COPG2: variants seen among roughly 807,000 people sequenced by gnomAD.
COPG2 encodes coatomer subunit gamma-2.
In COPG2, 37 loss-of-function variants were observed where a neutral mutation model predicts 46.3. That is an observed-to-expected ratio of 0.80 (90% CI 0.61 to 1.05). COPG2 has a LOEUF of 1.05. Among genes scored for constraint, COPG2 ranks in the 50% least tolerant of loss-of-function variants. The probability of loss-of-function intolerance (pLI) is 0.00; values close to 1 mark genes in which losing one functional copy is unlikely to be tolerated. For missense variants in COPG2, 427 were observed against 387.8 expected, an observed-to-expected ratio of 1.10 and a Z score of -0.85; for synonymous variants, 159 against 129.7, an observed-to-expected ratio of 1.23 and a Z score of -1.53.
chr7:130,640,951 GAATT>G (rs1208122668), intron 5 of COPG2, among the ~76,000 whole-genome samples: 4 of 151,928 alleles, frequency 2.6e-5, no homozygotes, highest in African/African-American at 2.4e-5. Flanking sequence ...TTCTCTCAAA[GAATT>G]AATAATTCAG....
At chr7:130,645,077 A>C (rs1554457954) in intron 5 of COPG2, 1 of 374,298 alleles carries the variant, frequency 2.7e-6, no homozygotes, top group Non-Finnish European at 5.1e-6. Flanking sequence ...ACAAAAAAAA[A>C]AAAAAAAAGA....
chr7:130,508,731 C>A (rs59497416), intron 20 of COPG2, 72 bp from the exon 21 acceptor site: 2,335 of 155,118 alleles, frequency 0.015, 44 homozygotes, highest in African/African-American at 0.099. Context: ...TCCATCTGTA[C>A]TCAGCACTGT....
At chr7:130,527,439 G>A (rs1282512640) in intron 20 of COPG2, among the ~76,000 whole-genome samples, 1 of 128,656 alleles carries the variant, frequency 7.8e-6, no homozygotes, top group South Asian at 2.8e-4. Context: ...GCTGTCCACA[G>A]CAGTGATTCT....
chr7:130,657,257 G>A (rs1554460023), intron 4 of COPG2, among the ~76,000 whole-genome samples: 1 of 151,818 alleles, frequency 6.6e-6, no homozygotes, highest in Admixed American at 6.6e-5. Flanking sequence ...CCTTCCATAT[G>A]GATATTCAAT....
At chr7:130,665,329 T>C (rs1275795445) in intron 3 of COPG2, among the ~76,000 whole-genome samples, 1 of 152,230 alleles carries the variant, frequency 6.6e-6, no homozygotes, top group East Asian at 1.9e-4. Context: ...ATGGTTATCT[T>C]AGCACCATAT....
chr7:130,506,668 G>C lies in COPG2; in HGVS notation c.*8C>G. ...GTGTGCATCAGTTTCCTCTTGTCCA[G>C]TAAGCATTTATCCAACAGAAGCTAA... On this transcript the variant is annotated 3_prime_UTR_variant, in exon 24 of 24. Coordinates refer to ENST00000425248, the MANE Select transcript of COPG2 (RefSeq NM_012133.6). The C allele has an allele frequency of 1.3e-6, 1 of 778,490 alleles. No individual in the cohort carries two copies. The highest frequency in any genetic ancestry group is 2.4e-6 in the Non-Finnish European group (1 of 416,720). The allele number at this position is 778,490 out of a possible 1,614,324, so 48.2% of individuals were successfully genotyped here. A position where few individuals can be genotyped will look rare whatever the true frequency, so the allele number is the denominator to read the frequency against.
At chr7:130,512,710 A>C (rs1554441186) in intron 20 of COPG2, among the ~76,000 whole-genome samples, 1 of 152,044 alleles carries the variant, frequency 6.6e-6, no homozygotes, top group East Asian at 1.9e-4. Flanking sequence ...ACGCCACTGC[A>C]CTCTAACCTG....
intron 20 of COPG2, among the ~76,000 whole-genome samples, chr7:130,513,307 AAATATAT>A (rs1173115494): frequency 1.0e-4 from 5 of 47,696 alleles, no homozygotes; most frequent in African/African-American, 3.8e-4. Flanking sequence ...AAAAAAAAAA[AAATATAT>A]ATATATATAT....
chr7:130,631,805 A>G (rs1198855042), intron 5 of COPG2, among the ~76,000 whole-genome samples: 1 of 152,202 alleles, frequency 6.6e-6, no homozygotes, highest in Non-Finnish European at 1.5e-5. Flanking sequence ...TTTCTTGTTT[A>G]TCTACTCAGT....
At chr7:130,641,220 T>C in intron 5 of COPG2, among the ~76,000 whole-genome samples, 1 of 144,546 alleles carries the variant, frequency 6.9e-6, no homozygotes, top group Admixed American at 6.9e-5. Flanking sequence ...AGACAATGAC[T>C]AATCTGTCAA....
At chr7:130,664,981 G>C (rs1554461206) in intron 3 of COPG2, among the ~76,000 whole-genome samples, 2 of 152,172 alleles carry the variant, frequency 1.3e-5, no homozygotes, top group Admixed American at 1.3e-4. Context: ...AGGAGTTTGA[G>C]ACCCACCTGG....
intron 7 of COPG2, among the ~76,000 whole-genome samples, chr7:130,612,964 CCT>C (rs1407283340): frequency 2.0e-5 from 3 of 152,166 alleles, no homozygotes; most frequent in Admixed American, 2.0e-4. Flanking sequence ...CACACTTACC[CCT>C]CTTTTATTAT....
intron 5 of COPG2, among the ~76,000 whole-genome samples, chr7:130,640,409 GT>G (rs1311834908): frequency 6.6e-6 from 1 of 151,140 alleles, no homozygotes; most frequent in Non-Finnish European, 1.5e-5. Flanking sequence ...AATTGTTTTT[GT>G]TTTTTTGTCC....
chr7:130,515,900 A>G (rs933890043), intron 20 of COPG2, among the ~76,000 whole-genome samples: 45 of 152,114 alleles, frequency 3.0e-4, no homozygotes, highest in African/African-American at 9.2e-4. Context: ...ACAGCCACTC[A>G]AGTAGACAGA....
intron 20 of COPG2, chr7:130,509,116 A>G: frequency 2.2e-6 from 1 of 447,146 alleles, no homozygotes; most frequent in Non-Finnish European, 4.4e-6. Flanking sequence ...TCTCAATACT[A>G]TCTTTAGATT....
intron 12 of COPG2, among the ~76,000 whole-genome samples, chr7:130,558,004 G>C (rs951461082): frequency 6.6e-6 from 1 of 151,434 alleles, no homozygotes; most frequent in Non-Finnish European, 1.5e-5. Flanking sequence ...AAGTACATAC[G>C]CAACTTTTTT....
At chr7:130,637,846 C>A (rs1323712024) in intron 5 of COPG2, among the ~76,000 whole-genome samples, 2 of 152,170 alleles carry the variant, frequency 1.3e-5, no homozygotes, top group African/African-American at 2.4e-5. Flanking sequence ...GGTTTTTCCT[C>A]AGCCTCGTGG....
At chr7:130,623,836 A>C (rs1290819181) in intron 5 of COPG2, among the ~76,000 whole-genome samples, 1 of 152,104 alleles carries the variant, frequency 6.6e-6, no homozygotes, top group East Asian at 1.9e-4. Context: ...AAAATTGAAA[A>C]ATAAAACAAT....
chr7:130,573,909 T>C (rs1793956404), intron 9 of COPG2, among the ~76,000 whole-genome samples: 3 of 152,230 alleles, frequency 2.0e-5, no homozygotes, highest in African/African-American at 7.2e-5. Context: ...AGAAATGGTA[T>C]GGTTATTTTG....
Sources: gnomAD v4.1 joint callset for allele counts (sites outside exome capture counted in the v4.1 genomes callset) on GRCh38, gnomAD v4.1.1 for gene constraint, MANE v1.5 for transcripts, NCBI Gene and HGNC (gene_info 2026-07-23, HGNC 2026-07-21) for gene names.